Variants in METTL16 observed in about 807,000 individuals in gnomAD.
The protein encoded by METTL16 is methyltransferase 16, RNA N6-adenosine, also known as RNA N(6)-adenosine-methyltransferase METTL16.
In METTL16, 19 loss-of-function variants were observed where a neutral mutation model predicts 57.9. That is an observed-to-expected ratio of 0.33 (90% CI 0.23 to 0.48). The LOEUF is 0.48. Among genes scored for constraint, METTL16 ranks in the 20% least tolerant of loss-of-function variants. METTL16 has a pLI of 0.99. For missense variants in METTL16, 434 were observed against 691.5 expected, an observed-to-expected ratio of 0.63 and a Z score of 4.18; for synonymous variants, 246 against 255.6, an observed-to-expected ratio of 0.96 and a Z score of 0.36.
intron 6 of METTL16, among the ~76,000 whole-genome samples, chr17:2,447,723 C>T (rs2067017418): frequency 4.2e-5 from 6 of 144,082 alleles, no homozygotes; most frequent in African/African-American, 1.6e-4. Context: ...CAGCCCCCCG[C>T]CCGGCCAGCC....
At chr17:2,421,113 G>T (rs553736118) in intron 8 of METTL16, among the ~76,000 whole-genome samples, 8 of 152,152 alleles carry the variant, frequency 5.3e-5, no homozygotes, top group African/African-American at 1.9e-4. Flanking sequence ...CAGCACTTTG[G>T]GGGGCCATGG....
intron 6 of METTL16, chr17:2,460,154 T>C (rs1033467051): frequency 6.6e-6 from 1 of 152,154 alleles, no homozygotes; most frequent in East Asian, 1.9e-4. Context: ...TTCTTCTCAG[T>C]AAAAATCACT....
In METTL16 at chr17:2,419,362, A is replaced by G. The variant is rs1451936258; in HGVS notation, c.*608T>C. 7.6e-6 allele frequency: 2 copies of G among 264,628 alleles called. No homozygotes were observed. The highest frequency in any genetic ancestry group is 1.5e-5 in the Non-Finnish European group (2 of 131,496). 16.4% of individuals were successfully genotyped at this position (264,628 alleles called of 1,614,324 possible). On this transcript the variant is annotated 3_prime_UTR_variant, in exon 10 of 10. Transcript: ENST00000263092. ...TTCTGCTTCTGAAATAAGCAACATC[A>G]AAACAGCCAGGTGTCAGGAATGTGC...
At chr17:2,448,182 G>A (rs1258447530) in intron 6 of METTL16, among the ~76,000 whole-genome samples, 61 of 142,330 alleles carry the variant, frequency 4.3e-4, no homozygotes, top group Admixed American at 7.9e-4. Flanking sequence ...GCCTCTGCCC[G>A]GCCGCCCCTA....
At chr17:2,485,675 A>T (rs923510156) in intron 2 of METTL16, among the ~76,000 whole-genome samples, 1 of 152,378 alleles carries the variant, frequency 6.6e-6, no homozygotes, top group Admixed American at 6.5e-5. Context: ...TCCTTTATTC[A>T]TTCAACAAAT....
chr17:2,501,834 G>A (rs2067490614), intron 2 of METTL16, among the ~76,000 whole-genome samples: 1 of 151,478 alleles, frequency 6.6e-6, no homozygotes, highest in African/African-American at 2.4e-5. Context: ...CTCTAGCCTG[G>A]GCAACAGAGC....
At chr17:2,458,816 T>C (rs1024115016) in intron 6 of METTL16, among the ~76,000 whole-genome samples, 1 of 151,894 alleles carries the variant, frequency 6.6e-6, no homozygotes, top group Non-Finnish European at 1.5e-5. Flanking sequence ...TTTTTTTTTT[T>C]TCTTTTTTGA....
intron 6 of METTL16, among the ~76,000 whole-genome samples, chr17:2,450,086 C>T (rs1315897615): frequency 6.6e-6 from 1 of 152,166 alleles, no homozygotes; most frequent in Non-Finnish European, 1.5e-5. Flanking sequence ...TAAAGTTAAA[C>T]ATACACTTAC....
Position 2,419,780 on chromosome 17 carries a change from T to A in METTL16, c.*190A>T, listed in dbSNP as rs549457667. ...AATTCCTCCTTGTAAATGACCACAC[T>A]ACGACTCCCTGTAACTCAAAAAGCG... On this transcript the variant is annotated 3_prime_UTR_variant, in exon 10 of 10. Transcript: ENST00000263092. 126 of 739,098 alleles carry A rather than the reference T, an allele frequency of 1.7e-4. No individual in the cohort carries two copies. Among genetic ancestry groups the A allele is most frequent in the Non-Finnish European group, 2.8e-4 (118 of 422,062 alleles). 45.8% of individuals were successfully genotyped at this position (739,098 alleles called of 1,614,324 possible). A position where few individuals can be genotyped will look rare whatever the true frequency, so the allele number is the denominator to read the frequency against.
At chr17:2,482,796 G>A (rs72805758) in intron 2 of METTL16, among the ~76,000 whole-genome samples, 12,536 of 152,026 alleles carry the variant, frequency 0.082, 599 homozygotes, top group South Asian at 0.17. Flanking sequence ...GTGAGCCTGC[G>A]GTCCCCGCTA....
At chr17:2,458,304 A>C (rs1258704592) in intron 6 of METTL16, among the ~76,000 whole-genome samples, 1 of 152,154 alleles carries the variant, frequency 6.6e-6, no homozygotes, top group African/African-American at 2.4e-5. Flanking sequence ...TCTGGTTCCT[A>C]AGAAAAGCCT....
chr17:2,426,385 G>C (rs1380058703), intron 8 of METTL16, among the ~76,000 whole-genome samples: 1 of 152,074 alleles, frequency 6.6e-6, no homozygotes, highest in African/African-American at 2.4e-5. Flanking sequence ...CTGACAGGTC[G>C]TTGTTTAAAA....
chr17:2,465,231 C>A (rs2067183003), intron 5 of METTL16, among the ~76,000 whole-genome samples: 2 of 151,982 alleles, frequency 1.3e-5, no homozygotes, highest in Admixed American at 1.3e-4. Flanking sequence ...TTTTTACCCA[C>A]TAGGATGGCT....
At position 2,473,873 on chromosome 17, in the gene METTL16, G is replaced by A. The variant is rs373335411; in HGVS notation, c.329-209C>T. 3.3e-5 allele frequency among the ~76,000 whole-genome samples: 5 copies of A among 152,098 alleles called. No individual in the cohort carries two copies. In the South Asian group the frequency reaches 8.3e-4, roughly 25 times the overall value. On this transcript the variant is annotated intron_variant, in intron 3 of 9. Transcript: ENST00000263092. ...CCCTGCTCAGCCTCCTGAGTACCTG[G>A]GACTACAGGTGCATGCCACCATGCC... is the stretch of plus-strand genomic sequence containing the variant.
chr17:2,491,137 A>G (rs182617017), intron 2 of METTL16, among the ~76,000 whole-genome samples: 13 of 152,342 alleles, frequency 8.5e-5, no homozygotes, highest in Admixed American at 6.5e-4. Context: ...AAAAACCTGA[A>G]CACAGACAGG....
chr17:2,492,877 A>G (rs1311558810), intron 2 of METTL16, among the ~76,000 whole-genome samples: 9 of 143,204 alleles, frequency 6.3e-5, no homozygotes, highest in African/African-American at 7.7e-5. Context: ...CAGCCTGGGC[A>G]ACAGAGCAAG....
At chr17:2,446,847 T>G (rs1047745476) in intron 6 of METTL16, among the ~76,000 whole-genome samples, 15 of 151,892 alleles carry the variant, frequency 9.9e-5, no homozygotes, top group Admixed American at 8.5e-4. Flanking sequence ...CCTCCCGGGG[T>G]GCCGGGATTG....
chr17:2,440,369 C>T (rs1363541547), intron 7 of METTL16, among the ~76,000 whole-genome samples: 1 of 152,046 alleles, frequency 6.6e-6, no homozygotes, highest in Non-Finnish European at 1.5e-5. Flanking sequence ...CTGCCTCAGC[C>T]TCCCCAGTAG....
At chr17:2,496,977 G>A (rs1475990142) in intron 2 of METTL16, among the ~76,000 whole-genome samples, 3 of 151,494 alleles carry the variant, frequency 2.0e-5, no homozygotes, top group African/African-American at 7.3e-5. Context: ...TGCCACTTAT[G>A]TATGGCATAT....
Sources: allele counts gnomAD v4.1 joint callset (sites outside exome capture counted in the v4.1 genomes callset), GRCh38; gene constraint gnomAD v4.1.1; transcripts MANE v1.5; gene names NCBI Gene and HGNC (gene_info 2026-07-23, HGNC 2026-07-21).